The following SGCD variants were observed in gnomAD, a reference collection of about 807,000 sequenced individuals.
SGCD encodes sarcoglycan delta.
In SGCD, 18 loss-of-function variants were observed where a neutral mutation model predicts 36.6. The ratio of observed to expected loss-of-function variants is 0.49; its 90% CI spans 0.34 to 0.73. SGCD has a LOEUF of 0.73. Among genes scored for constraint, SGCD ranks in the 30% least tolerant of loss-of-function variants. SGCD has a pLI of 0.01. For missense variants in SGCD, 387 were observed against 346.7 expected (o/e 1.12, Z -0.92); for synonymous variants, 133 against 130.6 (o/e 1.02, Z -0.12).
chr5:156,660,272 T>C (rs1388613979), intron 7 of SGCD, among the ~76,000 whole-genome samples: 1 of 152,076 alleles, frequency 6.6e-6, no homozygotes, highest in African/African-American at 2.4e-5. Flanking sequence ...TGGAAATATT[T>C]ATCATCATCC....
At chr5:155,901,505 G>A (rs1756389900) in intron 1 of SGCD, among the ~76,000 whole-genome samples, 1 of 152,158 alleles carries the variant, frequency 6.6e-6, no homozygotes, top group Non-Finnish European at 1.5e-5. Flanking sequence ...AATGGAGCCT[G>A]AAAAAGCTAA....
intron 7 of SGCD, among the ~76,000 whole-genome samples, chr5:156,697,750 CGGATGGATGGATGGATGGATGGAT>C (rs10544582): frequency 3.4e-5 from 5 of 149,162 alleles, no homozygotes; most frequent in East Asian, 2.0e-4. Context: ...GATGGACGGA[CGGATGGATGGATGGATGGATGGAT>C]GGATGGATGG....
At chr5:156,526,480 C>T (rs1446695134) in intron 4 of SGCD, among the ~76,000 whole-genome samples, 4 of 152,152 alleles carry the variant, frequency 2.6e-5, no homozygotes, top group South Asian at 2.1e-4. Context: ...GCATGGAACA[C>T]GAGCATCTTG....
chr5:156,735,330 G>T (rs1034003248), intron 7 of SGCD, among the ~76,000 whole-genome samples: 8 of 152,114 alleles, frequency 5.3e-5, no homozygotes, highest in African/African-American at 9.7e-5. Flanking sequence ...AAGCCCAAAG[G>T]CTGGAACTAC....
At chr5:155,975,359 T>C (rs1758090195) in intron 1 of SGCD, among the ~76,000 whole-genome samples, 1 of 152,034 alleles carries the variant, frequency 6.6e-6, no homozygotes. Flanking sequence ...TCTGGAGACT[T>C]TTTGATTTTC....
intron 1 of SGCD, among the ~76,000 whole-genome samples, chr5:156,113,529 G>A (rs545077930): frequency 2.4e-4 from 37 of 152,266 alleles, no homozygotes; most frequent in African/African-American, 8.9e-4. Flanking sequence ...TATCGTTTGT[G>A]TGTGATTTTC....
chr5:156,228,655 G>A (rs1457940636), intron 3 of SGCD, among the ~76,000 whole-genome samples: 2 of 152,146 alleles, frequency 1.3e-5, no homozygotes, highest in South Asian at 2.1e-4. Flanking sequence ...GTATTGAGAT[G>A]TGAGGTACCA....
chr5:156,536,847 C>T (rs1244882284), intron 4 of SGCD, among the ~76,000 whole-genome samples: 2 of 152,174 alleles, frequency 1.3e-5, no homozygotes, highest in Admixed American at 6.6e-5. Flanking sequence ...TCCTCAGATA[C>T]AGCCTTGACT....
chr5:156,406,036 G>GAAAAAAAAAAAAAAAAAAAAAAAAAT (rs79259925), intron 3 of SGCD, among the ~76,000 whole-genome samples: 26 of 136,604 alleles, frequency 1.9e-4, no homozygotes, highest in South Asian at 2.4e-4. Context: ...AAAAAAAAAG[G>GAAAAAAAAAAAAAAAAAAAAAAAAAT]CCTCTGGGCA....
intron 3 of SGCD, among the ~76,000 whole-genome samples, chr5:156,205,098 A>G (rs1764244566): frequency 6.6e-6 from 1 of 152,086 alleles, no homozygotes; most frequent in African/African-American, 2.4e-5. Flanking sequence ...CCCTTCCTCC[A>G]TCAGAGTGGG....
intron 1 of SGCD, among the ~76,000 whole-genome samples, chr5:156,026,080 C>T (rs1010154723): frequency 5.3e-5 from 8 of 152,194 alleles, no homozygotes; most frequent in Admixed American, 2.6e-4. Flanking sequence ...TACCAAAGAA[C>T]AGTCACTGAA....
At chr5:156,573,082 G>T (rs1484370764) in intron 4 of SGCD, among the ~76,000 whole-genome samples, 1 of 152,090 alleles carries the variant, frequency 6.6e-6, no homozygotes, top group Non-Finnish European at 1.5e-5. Flanking sequence ...TGATATTTAT[G>T]ATTATGAACA....
chr5:155,796,634 T>G, the SGCD span, among the ~76,000 whole-genome samples: 1 of 151,218 alleles, frequency 6.6e-6, no homozygotes, highest in Admixed American at 6.6e-5. Flanking sequence ...AGAAAGCCCG[T>G]CTCTATTAAA....
the SGCD span, among the ~76,000 whole-genome samples, chr5:155,781,458 G>C: frequency 6.6e-6 from 1 of 151,962 alleles, no homozygotes; most frequent in Non-Finnish European, 1.5e-5. Flanking sequence ...AACCAAATAG[G>C]TATTTTCAAT....
chr5:156,379,067 T>C (rs191217641), intron 3 of SGCD, among the ~76,000 whole-genome samples: 4 of 152,292 alleles, frequency 2.6e-5, no homozygotes, highest in African/African-American at 9.6e-5. Context: ...TCATTTATTC[T>C]TTTAACAATT....
At chr5:156,446,630 T>G (rs762756261) in intron 3 of SGCD, among the ~76,000 whole-genome samples, 1 of 152,162 alleles carries the variant, frequency 6.6e-6, no homozygotes, top group Non-Finnish European at 1.5e-5. Context: ...GTCTTTAGCA[T>G]AAAGGGACAG....
the SGCD span, among the ~76,000 whole-genome samples, chr5:155,808,858 G>A: frequency 2.0e-5 from 3 of 152,198 alleles, no homozygotes; most frequent in Admixed American, 6.5e-5. Flanking sequence ...TATGTGCCAA[G>A]TCACATAGTT....
chr5:155,974,801 G>A (rs1758077000), intron 1 of SGCD, among the ~76,000 whole-genome samples: 1 of 151,854 alleles, frequency 6.6e-6, no homozygotes, highest in South Asian at 2.1e-4. Flanking sequence ...CCCTTGAAGG[G>A]ATATCCCCGT....
At chr5:156,608,533 G>A (rs1446399481) in intron 6 of SGCD, among the ~76,000 whole-genome samples, 2 of 152,172 alleles carry the variant, frequency 1.3e-5, no homozygotes, top group African/African-American at 4.8e-5. Context: ...GATTTGGGGT[G>A]GAGAGTTCTG....
Sources: allele counts gnomAD v4.1 joint callset (sites outside exome capture counted in the v4.1 genomes callset), GRCh38; gene constraint gnomAD v4.1.1; transcripts MANE v1.5; gene names NCBI Gene and HGNC (gene_info 2026-07-23, HGNC 2026-07-21).